The following AGBL1 variants were observed in gnomAD, a reference collection of about 807,000 sequenced individuals.
AGBL1 encodes AGBL carboxypeptidase 1.
AGBL1 carries 130 observed loss-of-function variants against 118.9 expected under a neutral mutation model. The ratio of observed to expected loss-of-function variants is 1.09; its 90% CI spans 0.95 to 1.26. The LOEUF is 1.26. Ranked by LOEUF, AGBL1 falls within the 50% of genes most tolerant of loss-of-function variation. AGBL1 has a pLI of 0.00. For synonymous variants in AGBL1, 555 were observed against 478.9 expected (o/e 1.16, Z -2.08); for missense variants, 1,584 against 1,298.1 (o/e 1.22, Z -3.38).
chr15:86,724,749 A>G (rs1051737936), intron 22 of AGBL1, among the ~76,000 whole-genome samples: 20 of 152,260 alleles, frequency 1.3e-4, no homozygotes, highest in African/African-American at 4.3e-4. Context: ...GCTTGGTGCT[A>G]TCCCTTCAGT....
chr15:86,661,541 C>T (rs971017932), intron 21 of AGBL1, among the ~76,000 whole-genome samples: 2 of 151,806 alleles, frequency 1.3e-5, no homozygotes, highest in African/African-American at 4.8e-5. Context: ...TTATCTGCAG[C>T]AAATAATTAT....
intron 18 of AGBL1, among the ~76,000 whole-genome samples, chr15:86,400,210 G>C (rs1262155269): frequency 3.3e-5 from 5 of 152,058 alleles, no homozygotes; most frequent in Non-Finnish European, 5.9e-5. Context: ...GTTTTACTGT[G>C]TTTTGATCTT....
intron 22 of AGBL1, among the ~76,000 whole-genome samples, chr15:86,780,959 C>T (rs891986932): frequency 6.6e-5 from 10 of 152,130 alleles, no homozygotes; most frequent in African/African-American, 2.2e-4. Context: ...TGAGCCACTG[C>T]ACCTGGAATT....
At chr15:86,196,661 T>C (rs2077807522) in intron 5 of AGBL1, among the ~76,000 whole-genome samples, 1 of 152,112 alleles carries the variant, frequency 6.6e-6, no homozygotes, top group Non-Finnish European at 1.5e-5. Flanking sequence ...TACACTGCTA[T>C]GGACTGAATT....
chr15:86,506,256 G>T (rs914196068), intron 18 of AGBL1, among the ~76,000 whole-genome samples: 3 of 151,972 alleles, frequency 2.0e-5, no homozygotes, highest in African/African-American at 7.2e-5. Flanking sequence ...AGCCCTGAGT[G>T]TACATACAAC....
At chr15:86,917,370 A>G (rs571873211), downstream of AGBL1, among the ~76,000 whole-genome samples, 10 of 152,078 alleles carry the variant, frequency 6.6e-5, no homozygotes, top group Admixed American at 1.3e-4. This position sits in a 1 kb window ranked among gnomAD's most constrained non-coding sequence, Gnocchi z 4.8. Flanking sequence ...GCTTCCTCCT[A>G]GGCTCTTTGC....
At chr15:86,288,770 G>A (rs1496891) in intron 16 of AGBL1, among the ~76,000 whole-genome samples, 4,486 of 152,062 alleles carry the variant, frequency 0.03, 225 homozygotes, top group African/African-American at 0.1. Flanking sequence ...TTATGCCATT[G>A]ATTTATTCAA....
At chr15:86,323,554 A>G (rs1051624817) in intron 17 of AGBL1, among the ~76,000 whole-genome samples, 1 of 152,232 alleles carries the variant, frequency 6.6e-6, no homozygotes, top group African/African-American at 2.4e-5. Context: ...GATTATGTTA[A>G]GGGCAATTTG....
At chr15:86,747,733 G>A (rs2077777904) in intron 22 of AGBL1, among the ~76,000 whole-genome samples, 1 of 152,102 alleles carries the variant, frequency 6.6e-6, no homozygotes, top group African/African-American at 2.4e-5. Flanking sequence ...GTGGTGTTTG[G>A]TTTTCTGTTC....
intron 18 of AGBL1, among the ~76,000 whole-genome samples, chr15:86,465,527 A>C (rs1420437171): frequency 6.6e-6 from 1 of 152,200 alleles, no homozygotes; most frequent in African/African-American, 2.4e-5. Flanking sequence ...TCAGAAAGCG[A>C]ATAGGAGAAA....
At chr15:86,783,554 T>C (rs916833287) in intron 22 of AGBL1, among the ~76,000 whole-genome samples, 4 of 152,192 alleles carry the variant, frequency 2.6e-5, no homozygotes, top group African/African-American at 9.7e-5. Context: ...TCCCTGCCAT[T>C]GGCTTTCTTT....
chr15:86,685,604 G>T (rs1382751689), intron 22 of AGBL1, among the ~76,000 whole-genome samples: 1 of 152,074 alleles, frequency 6.6e-6, no homozygotes, highest in Non-Finnish European at 1.5e-5. Context: ...GTGTGATAAA[G>T]ATTTGATAGG....
chr15:86,363,601 A>C (rs1355885203), intron 17 of AGBL1, among the ~76,000 whole-genome samples: 1 of 152,062 alleles, frequency 6.6e-6, no homozygotes, highest in Non-Finnish European at 1.5e-5. Context: ...TAGTTTCCCC[A>C]GGAAACAATA....
intron 22 of AGBL1, among the ~76,000 whole-genome samples, chr15:86,782,567 G>A (rs1015830756): frequency 1.3e-5 from 2 of 152,092 alleles, no homozygotes; most frequent in African/African-American, 4.8e-5. Context: ...GATGAGACTG[G>A]TGGTTAGACA....
intron 18 of AGBL1, among the ~76,000 whole-genome samples, chr15:86,462,350 T>TC (rs2082344889): frequency 6.6e-6 from 1 of 152,132 alleles, no homozygotes; most frequent in Non-Finnish European, 1.5e-5. Flanking sequence ...CCAAGCTCTC[T>TC]CCTTTATTTA....
chr15:86,373,745 G>A (rs1055790996), intron 17 of AGBL1, among the ~76,000 whole-genome samples: 1 of 152,226 alleles, frequency 6.6e-6, no homozygotes, highest in Non-Finnish European at 1.5e-5. Context: ...CAGGGGTTAA[G>A]TCTCACATTC....
chr15:86,455,610 A>G (rs1363319596), intron 18 of AGBL1, among the ~76,000 whole-genome samples: 1 of 152,200 alleles, frequency 6.6e-6, no homozygotes, highest in African/African-American at 2.4e-5. Context: ...ATGGCTTAGC[A>G]TAAAATTTGG....
downstream of AGBL1, among the ~76,000 whole-genome samples, chr15:86,920,548 G>A (rs187937660): frequency 9.2e-5 from 14 of 152,168 alleles, no homozygotes; most frequent in Non-Finnish European, 1.0e-4. Flanking sequence ...ATTTCATTGG[G>A]TTTATTTTTA....
intron 22 of AGBL1, among the ~76,000 whole-genome samples, chr15:86,868,072 T>A (rs1251784158): frequency 1.3e-5 from 2 of 152,180 alleles, no homozygotes; most frequent in Non-Finnish European, 2.9e-5. Flanking sequence ...TAAGGAATTA[T>A]CAATGTGGCT....
Sources: gnomAD v4.1 joint callset for allele counts (sites outside exome capture counted in the v4.1 genomes callset) on GRCh38, gnomAD v4.1.1 for gene constraint, Gnocchi (gnomAD v3.1) non-coding constraint, MANE v1.5 for transcripts, NCBI Gene and HGNC (gene_info 2026-07-23, HGNC 2026-07-21) for gene names.